The following TUBB8B variants were observed in gnomAD, a reference collection of about 807,000 sequenced individuals.
TUBB8B encodes HSA18p11 beta-tubulin 4Q pseudogene.
A neutral mutation model predicts 31.9 loss-of-function variants in TUBB8B; 26 were observed. The ratio of observed to expected loss-of-function variants is 0.81; its 90% CI spans 0.60 to 1.13. The LOEUF (loss-of-function observed/expected upper bound fraction) is 1.13, where lower values mean the gene tolerates loss of function less well. Ranked by LOEUF, TUBB8B falls within the 50% of genes most tolerant of loss-of-function variation. The probability of loss-of-function intolerance (pLI) is 0.00; values close to 1 mark genes in which losing one functional copy is unlikely to be tolerated. For synonymous variants in TUBB8B, 173 were observed against 231.0 expected, an observed-to-expected ratio of 0.75 and a Z score of 2.28; for missense variants, 467 against 586.7, an observed-to-expected ratio of 0.80 and a Z score of 2.11.
At chr18:64,034 C>T in the TUBB8B span, among the ~76,000 whole-genome samples, 8 of 150,462 alleles carry the variant, frequency 5.3e-5, no homozygotes, top group African/African-American at 2.0e-4. Flanking sequence ...ACCCTTAACC[C>T]TAACCCTTAA....
At chr18:63,525 G>A in the TUBB8B span, among the ~76,000 whole-genome samples, 10 of 151,620 alleles carry the variant, frequency 6.6e-5, no homozygotes, top group East Asian at 1.9e-4. Context: ...CTGAGACTGC[G>A]CTGGTTCACA....
At chr18:61,998 T>C in the TUBB8B span, among the ~76,000 whole-genome samples, 1 of 151,872 alleles carries the variant, frequency 6.6e-6, no homozygotes, top group Non-Finnish European at 1.5e-5. Flanking sequence ...AGAACTCCCT[T>C]TTGCATTTCT....
At chr18:51,348 A>AG (rs1473196478), upstream of TUBB8B, among the ~76,000 whole-genome samples, 1 of 151,748 alleles carries the variant, frequency 6.6e-6, no homozygotes, top group Non-Finnish European at 1.5e-5. Context: ...ATATCGTGGG[A>AG]GGGGCCCAGT....
At chr18:63,949 C>A in the TUBB8B span, among the ~76,000 whole-genome samples, 1 of 150,540 alleles carries the variant, frequency 6.6e-6, no homozygotes, top group African/African-American at 2.5e-5. Context: ...TAACCCTTAC[C>A]CTAACCCTAA....
chr18:69,908 G>T, the TUBB8B span, among the ~76,000 whole-genome samples: 1 of 152,114 alleles, frequency 6.6e-6, no homozygotes, highest in African/African-American at 2.4e-5. Flanking sequence ...TGTAATCACA[G>T]TACTTTGGGA....
chr18:48,131 C>A lies in TUBB8B; in HGVS notation c.594G>T (p.Glu198Asp), dbSNP rs755392064. ...GCGCTTCGTTATCTATGCAGAAGGT[C>A]TCATCCGCGTTTTCTATGAGCTGGT... ...SVHQLIENAD[E>D]TFCIDNEALY... Residue 198 changes from glutamate (E) to aspartate (D), a missense_variant, in exon 4 of 4, where the codon GAG becomes GAT. Around this residue, in one of 2 missense-constraint regions of TUBB8B, gnomAD observed 259 missense variants for 380.1 expected, o/e 0.68. Transcript: ENST00000308911. 21 of 1,614,056 alleles carry A rather than the reference C, an allele frequency of 1.3e-5. No homozygotes were observed. In the African/African-American group the frequency reaches 2.5e-4, roughly 19 times the overall value.
the TUBB8B span, among the ~76,000 whole-genome samples, chr18:59,706 G>C: frequency 6.6e-6 from 1 of 151,294 alleles, no homozygotes; most frequent in Non-Finnish European, 1.5e-5. Flanking sequence ...ACTCCACCTG[G>C]CTAATTTTTG....
At chr18:62,982 C>T in the TUBB8B span, among the ~76,000 whole-genome samples, 2 of 151,692 alleles carry the variant, frequency 1.3e-5, no homozygotes, top group Non-Finnish European at 2.9e-5. Context: ...CTGCTTTATT[C>T]TTTTTATTTC....
chr18:56,736 C>T, the TUBB8B span, among the ~76,000 whole-genome samples: 2 of 151,852 alleles, frequency 1.3e-5, no homozygotes, highest in African/African-American at 4.8e-5. Context: ...ACCATTCTCA[C>T]ATTGCTGTAA....
At chr18:67,394 A>T in the TUBB8B span, among the ~76,000 whole-genome samples, 1 of 152,156 alleles carries the variant, frequency 6.6e-6, no homozygotes. Flanking sequence ...CCAGGCTGGA[A>T]TGCAGTGCCA....
chr18:62,821 T>A, the TUBB8B span, among the ~76,000 whole-genome samples: 8 of 151,880 alleles, frequency 5.3e-5, no homozygotes, highest in Admixed American at 5.3e-4. Context: ...GTAGGCATGC[T>A]TTATTTTTCA....
chr18:57,691 G>A, the TUBB8B span, among the ~76,000 whole-genome samples: 74 of 152,044 alleles, frequency 4.9e-4, 1 homozygote, highest in South Asian at 3.9e-3. Context: ...CCATGCCCCA[G>A]TGGGGAACCC....
At chr18:60,724 A>G in the TUBB8B span, among the ~76,000 whole-genome samples, 2 of 151,712 alleles carry the variant, frequency 1.3e-5, no homozygotes, top group Non-Finnish European at 2.9e-5. Flanking sequence ...TGACCTACTG[A>G]TCATTAAAGA....
At chr18:72,676 G>C in the TUBB8B span, among the ~76,000 whole-genome samples, 2 of 152,078 alleles carry the variant, frequency 1.3e-5, no homozygotes, top group Non-Finnish European at 2.9e-5. Context: ...TGAAAACACG[G>C]AGCACTGACC....
rs1228473537 is a variant in TUBB8B at position 49,603 on chromosome 18, G to C, written c.-46C>G. On this transcript the variant is annotated 5_prime_UTR_variant, in exon 1 of 4. Transcript: ENST00000308911. Reference sequence around the variant, plus strand: ...GGCAGCAGAAGCGCGAGAAGGAGGAGCAGACGCGCAGCGACCCAGCCCGCC... The same window carrying C: ...GGCAGCAGAAGCGCGAGAAGGAGGACCAGACGCGCAGCGACCCAGCCCGCC... 2.6e-6 allele frequency: 2 copies of C among 765,586 alleles called. No homozygotes were observed. Among genetic ancestry groups the C allele is most frequent in the Non-Finnish European group, 4.5e-6 (2 of 442,018 alleles). 47.4% of individuals were successfully genotyped at this position (765,586 alleles called of 1,614,324 possible).
the TUBB8B span, among the ~76,000 whole-genome samples, chr18:61,140 A>G: frequency 0.19 from 28,939 of 151,138 alleles, 3,522 homozygotes; most frequent in African/African-American, 0.3. Context: ...TTTAGTGTTG[A>G]GTGCATATAT....
At chr18:56,562 T>C in the TUBB8B span, among the ~76,000 whole-genome samples, 3 of 151,902 alleles carry the variant, frequency 2.0e-5, no homozygotes, top group African/African-American at 4.8e-5. Flanking sequence ...CCCACACATT[T>C]TGTTTTATTT....
chr18:69,905 A>G, the TUBB8B span, among the ~76,000 whole-genome samples: 1 of 152,096 alleles, frequency 6.6e-6, no homozygotes. Flanking sequence ...GCCTGTAATC[A>G]CAGTACTTTG....
At chr18:55,171 G>A in the TUBB8B span, among the ~76,000 whole-genome samples, 7 of 151,854 alleles carry the variant, frequency 4.6e-5, no homozygotes, top group East Asian at 1.9e-4. Flanking sequence ...GTATGATCTC[G>A]GTTCACTGCA....
Sources: gnomAD v4.1 joint callset for allele counts (sites outside exome capture counted in the v4.1 genomes callset) on GRCh38, gnomAD v4.1.1 for gene constraint, gnomAD v4.1.1 regional missense constraint, MANE v1.5 for transcripts, NCBI Gene and HGNC (gene_info 2026-07-23, HGNC 2026-07-21) for gene names.